The following PDK3 variants were observed in gnomAD, a reference collection of about 807,000 sequenced individuals.
The protein encoded by PDK3 is pyruvate dehydrogenase kinase 3.
PDK3 carries 12 observed loss-of-function variants against 32.0 expected under a neutral mutation model. The observed-to-expected ratio is 0.37, with a 90% CI of 0.24 to 0.61. The LOEUF is 0.61. PDK3 is among the 20% of genes least tolerant of loss of function. The pLI is 0.65. For missense variants in PDK3, 188 were observed against 316.9 expected, an observed-to-expected ratio of 0.59 and a Z score of 3.09; for synonymous variants, 122 against 116.3, an observed-to-expected ratio of 1.05 and a Z score of -0.31.
intron 5 of PDK3, among the ~76,000 whole-genome samples, chrX:24,508,397 T>A (rs1756937469): frequency 8.9e-6 from 1 of 111,889 alleles, no homozygotes; most frequent in Non-Finnish European, 1.9e-5. Flanking sequence ...ACCGTATCAA[T>A]GAAGTTTTAA....
intron 5 of PDK3, among the ~76,000 whole-genome samples, chrX:24,506,386 T>G (rs1211930513): frequency 8.9e-6 from 1 of 112,273 alleles, no homozygotes; most frequent in African/African-American, 3.2e-5. Context: ...GCTTACATGT[T>G]CATTAGGCCT....
chrX:24,485,899 A>G (rs775019539), intron 1 of PDK3, among the ~76,000 whole-genome samples: 67 of 111,975 alleles, frequency 6.0e-4, no homozygotes, highest in African/African-American at 2.2e-3. Context: ...ACAGCGAGAA[A>G]GAGACTAACA....
intron 1 of PDK3, among the ~76,000 whole-genome samples, chrX:24,493,506 G>A (rs1408564660): frequency 9.0e-6 from 1 of 111,458 alleles, no homozygotes; most frequent in Admixed American, 9.5e-5. Context: ...AGAGAAAATT[G>A]TTAAATGGCT....
At chrX:24,519,440 G>C (rs1922341826) in intron 6 of PDK3, among the ~76,000 whole-genome samples, 1 of 100,482 alleles carries the variant, frequency 1.0e-5, no homozygotes, top group African/African-American at 3.7e-5. Context: ...TGTGATCCCA[G>C]CTCACTGCAG....
exon 12 of PDK3, chrX:24,550,070 G>A (rs184903509): frequency 6.2e-4 from 69 of 112,054 alleles, no homozygotes; most frequent in African/African-American, 2.1e-3. Flanking sequence ...TACAATATTT[G>A]TACTCATAAG....
chrX:24,535,555 G>A (rs1233394343), downstream of PDK3, among the ~76,000 whole-genome samples: 3 of 107,008 alleles, frequency 2.8e-5, no homozygotes, highest in Non-Finnish European at 5.8e-5. Context: ...GAAAACATAA[G>A]TAAGCCAAAA....
intron 10 of PDK3, among the ~76,000 whole-genome samples, chrX:24,532,038 G>C (rs1455691513): frequency 8.9e-6 from 1 of 111,800 alleles, no homozygotes; most frequent in Non-Finnish European, 1.9e-5. Flanking sequence ...GGCTGAGGTG[G>C]GTGGATCACC....
chrX:24,533,826 T>C (rs1204726601), intron 10 of PDK3, 103 bp from the exon 11 acceptor site: 3 of 864,873 alleles, frequency 3.5e-6, no homozygotes. Flanking sequence ...TGAAAATATG[T>C]ATTAAGGTTT....
At chrX:24,473,593 C>A (rs1227733461) in intron 1 of PDK3, among the ~76,000 whole-genome samples, 5 of 108,141 alleles carry the variant, frequency 4.6e-5, no homozygotes, top group Non-Finnish European at 9.6e-5. Context: ...TCTGCCACCA[C>A]GCCTGGCTTA....
At chrX:24,543,545 G>A (rs1398276171) in exon 12 of PDK3, among the ~76,000 whole-genome samples, 1 of 111,314 alleles carries the variant, frequency 9.0e-6, no homozygotes, top group Non-Finnish European at 1.9e-5. Context: ...CGCCTCCCGG[G>A]TTCAAGCAAT....
At chrX:24,543,508 G>A (rs1922934279) in exon 12 of PDK3, among the ~76,000 whole-genome samples, 1 of 111,080 alleles carries the variant, frequency 9.0e-6, no homozygotes, top group Non-Finnish European at 1.9e-5. Flanking sequence ...GGAGTGCAGT[G>A]GTGTGATCTC....
At chrX:24,502,393 C>G (rs1921879390) in intron 3 of PDK3, among the ~76,000 whole-genome samples, 1 of 111,738 alleles carries the variant, frequency 8.9e-6, no homozygotes, top group Non-Finnish European at 1.9e-5. Context: ...CATACTCACT[C>G]ATGGGCCTGG....
intron 6 of PDK3, among the ~76,000 whole-genome samples, chrX:24,525,655 ATAGGTCTC>A (rs1456744188): frequency 1.8e-5 from 2 of 112,022 alleles, no homozygotes; most frequent in Non-Finnish European, 3.8e-5. Context: ...GGAAAAGATC[ATAGGTCTC>A]TAGGGGTTTA....
chrX:24,531,887 T>A (rs1156303130), intron 10 of PDK3, 117 bp downstream of exon 10: 5 of 417,168 alleles, frequency 1.2e-5, no homozygotes, highest in Non-Finnish European at 2.1e-5. Context: ...TTTACTTCAT[T>A]TTCCCATGAA....
chrX:24,532,451 A>T (rs1922673066), intron 10 of PDK3, among the ~76,000 whole-genome samples: 1 of 112,173 alleles, frequency 8.9e-6, no homozygotes, highest in African/African-American at 3.2e-5. Flanking sequence ...TTCAGTAATC[A>T]TAATATGGTT....
chrX:24,533,630 C>G (rs1191685134), intron 10 of PDK3, among the ~76,000 whole-genome samples: 3 of 111,663 alleles, frequency 2.7e-5, no homozygotes, highest in Non-Finnish European at 5.6e-5. Flanking sequence ...AGACCAGTCA[C>G]CAGGTATAGT....
chrX:24,505,279 C>T lies in PDK3; in HGVS notation c.576C>T (p.Asn192=), dbSNP rs756934374. Residue 192 remains asparagine (N), a synonymous_variant, in exon 5 of 11, where the codon AAC becomes AAT. Transcript: ENST00000379162. ...TAGGAAGTATCGATCCCACCTGTAA[C>T]GTGGCGGATGTGGTGAAAGGTAAGG... The part of the protein sequence containing the change: ...KHIGSIDPTC[N]VADVVKDAYE... The T allele has an allele frequency of 1.3e-5, 15 of 1,196,053 alleles. No homozygotes were observed. Among genetic ancestry groups the T allele is most frequent in the African/African-American group, 3.5e-5 (2 of 57,314 alleles).
At chrX:24,520,155 T>G (rs999615809) in intron 6 of PDK3, among the ~76,000 whole-genome samples, 1 of 111,940 alleles carries the variant, frequency 8.9e-6, no homozygotes, top group African/African-American at 3.2e-5. Context: ...ATAGTGCCAC[T>G]GCACTCCACC....
At chrX:24,483,115 G>T (rs1921302869) in intron 1 of PDK3, among the ~76,000 whole-genome samples, 1 of 112,484 alleles carries the variant, frequency 8.9e-6, no homozygotes, top group Admixed American at 9.4e-5. Flanking sequence ...GAAGGTCTCA[G>T]CTGTACAAAA....
Sources: gnomAD v4.1 joint callset for allele counts (sites outside exome capture counted in the v4.1 genomes callset) on GRCh38, gnomAD v4.1.1 for gene constraint, MANE v1.5 for transcripts, NCBI Gene and HGNC (gene_info 2026-07-23, HGNC 2026-07-21) for gene names.